Variants in SCN7A observed in about 807,000 individuals in gnomAD.
SCN7A encodes the protein sodium voltage-gated channel alpha subunit 7, also known as sodium channel protein type 7 subunit alpha.
In SCN7A, 138 loss-of-function variants were observed where a neutral mutation model predicts 155.2. The observed-to-expected ratio is 0.89, with a 90% CI of 0.77 to 1.02. The LOEUF is 1.02. Among genes scored for constraint, SCN7A ranks in the 50% least tolerant of loss-of-function variants. SCN7A has a pLI of 0.00. For synonymous variants in SCN7A, 693 were observed against 649.0 expected (o/e 1.07, Z -1.03); for missense variants, 2,058 against 1,986.6 (o/e 1.04, Z -0.68).
At chr2:166,425,795 T>C (rs1701610039) in intron 18 of SCN7A, among the ~76,000 whole-genome samples, 1 of 152,122 alleles carries the variant, frequency 6.6e-6, no homozygotes, top group African/African-American at 2.4e-5. Flanking sequence ...TCAAGATCTT[T>C]AACTTGATCA....
At chr2:166,454,160 A>G (rs1702230786) in intron 11 of SCN7A, among the ~76,000 whole-genome samples, 1 of 152,182 alleles carries the variant, frequency 6.6e-6, no homozygotes, top group Non-Finnish European at 1.5e-5. Flanking sequence ...GAGTGCAGCC[A>G]TAAGCCCTTA....
chr2:166,489,625 T>A (rs1442346801), intron 1 of SCN7A, among the ~76,000 whole-genome samples: 1 of 152,222 alleles, frequency 6.6e-6, no homozygotes, highest in Non-Finnish European at 1.5e-5. Flanking sequence ...TTGGGTTGGT[T>A]ACTTCCAATT....
At chr2:166,460,538 A>C (rs1559116750) in intron 10 of SCN7A, among the ~76,000 whole-genome samples, 1 of 152,152 alleles carries the variant, frequency 6.6e-6, no homozygotes, top group Admixed American at 6.5e-5. Context: ...ATCTAAGGAA[A>C]GTATAGTGAA....
chr2:166,470,895 C>A lies in SCN7A; in HGVS notation c.573-189G>T, dbSNP rs150059182. On this transcript the variant is annotated intron_variant, in intron 6 of 25. Coordinates refer to ENST00000643258, the MANE Select transcript of SCN7A (RefSeq NM_002976.4). ...AAAGATTGCTACAGTGGAAAGTGGC[C>A]AGGTAAATATTAATCTATATTATGA... 3.6e-3 allele frequency among the ~76,000 whole-genome samples: 545 copies of A among 151,710 alleles called. 1 individual carries two copies. Among genetic ancestry groups the A allele is most frequent in the African/African-American group, 0.013 (524 of 41,412 alleles).
In SCN7A at chr2:166,413,058, T is replaced by C; in HGVS notation, c.3468+10A>G. On this transcript the variant is annotated intron_variant, in intron 22 of 25. Transcript: ENST00000643258. ...TCCTAACAATGGCTTTAAAATGATA[T>C]TATACTTACAGCAACAGAATCAATT... is the stretch of plus-strand genomic sequence containing the variant. 6.6e-7 allele frequency: 1 copy of C among 1,520,174 alleles called. No individual in the cohort carries two copies. The highest frequency in any genetic ancestry group is 1.4e-5 in the African/African-American group (1 of 72,368). 94.2% of individuals were successfully genotyped at this position (1,520,174 alleles called of 1,614,324 possible).
intron 9 of SCN7A, 22 bp from the exon 10 acceptor site, chr2:166,462,552 A>T (rs774632721): frequency 6.2e-7 from 1 of 1,610,292 alleles, no homozygotes. Context: ...AAAGAAAAAA[A>T]CCTGCTTACT....
In SCN7A at chr2:166,470,828, A is replaced by G. The variant is rs922468189; in HGVS notation, c.573-122T>C. On this transcript the variant is annotated intron_variant, in intron 6 of 25. Coordinates refer to ENST00000643258, the MANE Select transcript of SCN7A (RefSeq NM_002976.4). ...ATATGCAAACATTTCCCTTGATCAC[A>G]TGATTCCATATTGCAAACAGTTTTA... 32 of 755,808 alleles carry G rather than the reference A, an allele frequency of 4.2e-5. No homozygotes were observed. The East Asian group carries it at 4.9e-4, about 12-fold the overall frequency. 46.8% of individuals were successfully genotyped at this position (755,808 alleles called of 1,614,324 possible). A position where few individuals can be genotyped will look rare whatever the true frequency, so the allele number is the denominator to read the frequency against.
intron 13 of SCN7A, 69 bp downstream of exon 13, chr2:166,444,693 A>G: frequency 1.2e-6 from 1 of 842,998 alleles, no homozygotes; most frequent in South Asian, 1.8e-5. Context: ...GGGAATAATG[A>G]TGAACAAAGA....
At chr2:166,414,097 A>AT (rs1559088048) in intron 21 of SCN7A, among the ~76,000 whole-genome samples, 5 of 88,768 alleles carry the variant, frequency 5.6e-5, no homozygotes, top group South Asian at 3.1e-4. Context: ...AAATATATAT[A>AT]ATATATTATA....
chr2:166,484,424 G>T (rs1228627623), intron 2 of SCN7A, among the ~76,000 whole-genome samples: 2 of 151,590 alleles, frequency 1.3e-5, no homozygotes, highest in Admixed American at 6.6e-5. Flanking sequence ...TGTATATATA[G>T]TATATGGTTA....
rs1302464240 is a variant in SCN7A, at chr2:166,432,394, G to A, written c.2516C>T (p.Ala839Val). 1.2e-6 allele frequency: 2 copies of A among 1,613,398 alleles called. No individual in the cohort carries two copies. The highest frequency in any genetic ancestry group is 1.7e-6 in the Non-Finnish European group (2 of 1,179,554). The change falls in exon 16 of 26, where the codon GCT becomes GTT. Residue 839 changes from alanine (A) to valine (V), a missense_variant. Ala to Val is a moderately conservative substitution (Grantham distance 64). Transcript: ENST00000643258. Reference protein sequence around the residue: ...SPSVSETVPIASGESDIENLD... With the variant: ...SPSVSETVPIVSGESDIENLD... ...ATTTTCTATATCAGATTCTCCTGAA[G>A]CAATTGGTACAGTTTCTGAGACACT... is the stretch of plus-strand genomic sequence containing the variant.
At position 166,410,260 on chromosome 2, in the gene SCN7A, A is replaced by G. The variant is rs1487144291; in HGVS notation, c.3671T>C (p.Leu1224Pro). 6.4e-7 allele frequency: 1 copy of G among 1,556,658 alleles called. No individual in the cohort carries two copies. The highest frequency in any genetic ancestry group is 1.9e-5 in the Admixed American group (1 of 51,932). ...QRKQYRRLKK[L>P]MYEDSQRPVP... ...TGGTCTTTGAGAATCCTCATACATT[A>G]GCTTCTTCAGCCTGCGGTACTGTTT... The change falls in exon 24 of 26, where the codon CTA becomes CCA. Residue 1224 changes from leucine to proline, a missense_variant. By Grantham distance (98) the Leu-to-Pro change is moderately conservative. Transcript: ENST00000643258.
rs1361412111 is a variant in SCN7A, at chr2:166,414,275, T to C, written c.3415-1154A>G. Among the ~76,000 whole-genome samples, 7 of 37,988 alleles carry C rather than the reference T, an allele frequency of 1.8e-4. No individual in the cohort carries two copies. The East Asian group carries it at 3.8e-3, about 21-fold the overall frequency. The allele number at this position is 37,988 out of a possible 152,430, so 24.9% of individuals were successfully genotyped here. Reference sequence around the variant, plus strand: ...ATATAGATATATATACACACACATATATATATATATACACACACATATATA... The same window carrying C: ...ATATAGATATATATACACACACATACATATATATATACACACACATATATA... On this transcript the variant is annotated intron_variant, in intron 21 of 25. Transcript: ENST00000643258.
chr2:166,439,039 A>G (rs1559104021), intron 15 of SCN7A, among the ~76,000 whole-genome samples: 1 of 65,156 alleles, frequency 1.5e-5, no homozygotes, highest in African/African-American at 7.5e-5. Context: ...ACACATACAT[A>G]TATGTGTGTG....
At chr2:166,440,101 T>C (rs917111665) in intron 15 of SCN7A, among the ~76,000 whole-genome samples, 1 of 152,224 alleles carries the variant, frequency 6.6e-6, no homozygotes, top group African/African-American at 2.4e-5. Flanking sequence ...AGGAAACTTA[T>C]AAGTGAAAGC....
chr2:166,457,661 G>A (rs191290453), intron 10 of SCN7A, among the ~76,000 whole-genome samples: 2 of 152,218 alleles, frequency 1.3e-5, no homozygotes, highest in East Asian at 3.9e-4. Flanking sequence ...TTACATGAAG[G>A]CATTGCAGTG....
chr2:166,477,963 A>G (rs1702838352), intron 2 of SCN7A, among the ~76,000 whole-genome samples: 1 of 151,968 alleles, frequency 6.6e-6, no homozygotes, highest in Admixed American at 6.6e-5. Context: ...CTACCTTTCA[A>G]CTTCTCCATT....
At position 166,439,804 on chromosome 2, in the gene SCN7A, T is replaced by C. The variant is rs527644952; in HGVS notation, c.2157+1592A>G. ...TTCCCTCATGGTGCTTACAGTTTAA[T>C]AAAGAAGATAGAGAAGTACACTAAC... On this transcript the variant is annotated intron_variant, in intron 15 of 25. Transcript: ENST00000643258. Among the ~76,000 whole-genome samples, 27 of 152,270 alleles carry C rather than the reference T, an allele frequency of 1.8e-4. No homozygotes were observed. The South Asian group carries it at 5.6e-3, about 32-fold the overall frequency.
At chr2:166,409,973 T>C in intron 24 of SCN7A, 38 bp from the exon 25 acceptor site, 6 of 1,476,604 alleles carry the variant, frequency 4.1e-6, no homozygotes, top group South Asian at 1.4e-5. Context: ...GTCTTATTAA[T>C]AGGATACATA....
Sources: gnomAD v4.1 joint callset for allele counts (sites outside exome capture counted in the v4.1 genomes callset) on GRCh38, gnomAD v4.1.1 for gene constraint, MANE v1.5 for transcripts, NCBI Gene and HGNC (gene_info 2026-07-23, HGNC 2026-07-21) for gene names.